Variants in DCDC2 observed in about 807,000 individuals in gnomAD.
DCDC2 encodes doublecortin domain containing 2.
DCDC2 carries 40 observed loss-of-function variants against 50.2 expected under a neutral mutation model. The ratio of observed to expected loss-of-function variants is 0.80; its 90% CI spans 0.62 to 1.04. The LOEUF (loss-of-function observed/expected upper bound fraction) is 1.04, where lower values mean the gene tolerates loss of function less well. DCDC2 is among the 50% of genes least tolerant of loss of function. The probability of loss-of-function intolerance (pLI) is 0.00; values close to 1 mark genes in which losing one functional copy is unlikely to be tolerated. For missense variants in DCDC2, 570 were observed against 581.9 expected, an observed-to-expected ratio of 0.98 and a Z score of 0.21; for synonymous variants, 234 against 210.6, an observed-to-expected ratio of 1.11 and a Z score of -0.96.
chr6:24,193,738 G>C (rs1429946362), intron 8 of DCDC2, among the ~76,000 whole-genome samples: 2 of 152,006 alleles, frequency 1.3e-5, no homozygotes, highest in African/African-American at 4.8e-5. Context: ...AAAGGGAAAG[G>C]TATCTGTATG....
At chr6:24,218,415 T>G (rs552422753) in intron 7 of DCDC2, among the ~76,000 whole-genome samples, 2 of 152,204 alleles carry the variant, frequency 1.3e-5, no homozygotes, top group South Asian at 4.1e-4. Flanking sequence ...CTTGTAGATT[T>G]GTTCTCTATC....
chr6:24,229,505 C>A (rs1392374462), intron 7 of DCDC2, among the ~76,000 whole-genome samples: 1 of 152,148 alleles, frequency 6.6e-6, no homozygotes, highest in African/African-American at 2.4e-5. Flanking sequence ...ATCCACAGAT[C>A]CTGGTTTGAG....
At chr6:24,183,176 T>A (rs1159011264) in intron 8 of DCDC2, among the ~76,000 whole-genome samples, 3 of 152,298 alleles carry the variant, frequency 2.0e-5, no homozygotes, top group East Asian at 3.9e-4. Flanking sequence ...GTATGGAGTT[T>A]CAGTTTTGCA....
intron 8 of DCDC2, among the ~76,000 whole-genome samples, chr6:24,180,733 C>CCCCTT (rs1761052266): frequency 6.6e-6 from 1 of 152,100 alleles, no homozygotes; most frequent in African/African-American, 2.4e-5. Flanking sequence ...AGCCCTGACC[C>CCCCTT]CCCTTTCCAA....
At chr6:24,369,524 C>T in the DCDC2 span, among the ~76,000 whole-genome samples, 3 of 150,892 alleles carry the variant, frequency 2.0e-5, no homozygotes, top group Admixed American at 6.6e-5. Flanking sequence ...GCAAGAGAAT[C>T]GCTTGAACCT....
At chr6:24,223,668 T>C (rs1316628145) in intron 7 of DCDC2, among the ~76,000 whole-genome samples, 1 of 152,238 alleles carries the variant, frequency 6.6e-6, no homozygotes, top group Non-Finnish European at 1.5e-5. Flanking sequence ...ACTTACCTCT[T>C]TGAATTTCTT....
At chr6:24,242,768 C>T (rs562069169) in intron 7 of DCDC2, among the ~76,000 whole-genome samples, 1 of 152,186 alleles carries the variant, frequency 6.6e-6, no homozygotes, top group South Asian at 2.1e-4. Flanking sequence ...TCGAGAACAG[C>T]CTGGCCAACA....
the DCDC2 span, chr6:24,365,619 T>C: frequency 6.6e-6 from 1 of 152,184 alleles, no homozygotes; most frequent in African/African-American, 2.4e-5. Flanking sequence ...TACATTGCCA[T>C]GTAACTAACG....
intron 2 of DCDC2, among the ~76,000 whole-genome samples, chr6:24,336,775 T>C (rs1004557348): frequency 6.6e-6 from 1 of 152,170 alleles, no homozygotes; most frequent in Non-Finnish European, 1.5e-5. Context: ...CCCTGTCTTA[T>C]TTCACTTATG....
At chr6:24,248,965 C>G (rs1409457140) in intron 7 of DCDC2, among the ~76,000 whole-genome samples, 1 of 152,164 alleles carries the variant, frequency 6.6e-6, no homozygotes, top group Non-Finnish European at 1.5e-5. Context: ...ATCCAGTGAG[C>G]AGCTTTAGTT....
At chr6:24,334,071 T>G (rs949628567) in intron 2 of DCDC2, among the ~76,000 whole-genome samples, 8 of 152,322 alleles carry the variant, frequency 5.3e-5, no homozygotes, top group African/African-American at 1.9e-4. Context: ...TAGTTATTGC[T>G]AATTGGAGTA....
chr6:24,341,963 C>G (rs1760163144), intron 2 of DCDC2, among the ~76,000 whole-genome samples: 1 of 152,088 alleles, frequency 6.6e-6, no homozygotes, highest in Non-Finnish European at 1.5e-5. Flanking sequence ...CACACACACA[C>G]ACAAACACAC....
chr6:24,241,205 C>G (rs1034210826), intron 7 of DCDC2, among the ~76,000 whole-genome samples: 2 of 152,156 alleles, frequency 1.3e-5, no homozygotes, highest in African/African-American at 2.4e-5. Flanking sequence ...AAACAATGGC[C>G]TTTGTGTTTT....
chr6:24,190,713 T>C (rs951275420), intron 8 of DCDC2, among the ~76,000 whole-genome samples: 3 of 152,170 alleles, frequency 2.0e-5, no homozygotes, highest in Non-Finnish European at 2.9e-5. Flanking sequence ...TGACAATGCA[T>C]AGATAAATTA....
chr6:24,208,146 A>T (rs1761764626), intron 7 of DCDC2, among the ~76,000 whole-genome samples: 1 of 152,016 alleles, frequency 6.6e-6, no homozygotes, highest in African/African-American at 2.4e-5. Context: ...GGACCAAAGA[A>T]CCTGCAGGTC....
At chr6:24,285,592 A>G (rs1279406997) in intron 6 of DCDC2, among the ~76,000 whole-genome samples, 5 of 152,162 alleles carry the variant, frequency 3.3e-5, no homozygotes, top group Non-Finnish European at 7.4e-5. Flanking sequence ...CAATCATCAG[A>G]TGAATTGATG....
chr6:24,320,184 T>C (rs904466574), intron 2 of DCDC2, among the ~76,000 whole-genome samples: 5 of 152,188 alleles, frequency 3.3e-5, no homozygotes, highest in Non-Finnish European at 7.3e-5. Flanking sequence ...ATAAATGTAA[T>C]GTGGATGATG....
chr6:24,281,265 AC>A (rs755290842), intron 6 of DCDC2, among the ~76,000 whole-genome samples: 6 of 152,150 alleles, frequency 3.9e-5, no homozygotes, highest in Non-Finnish European at 8.8e-5. Context: ...CTTTCCAGGA[AC>A]TTTGTGAGTA....
chr6:24,226,928 A>T lies in DCDC2; in HGVS notation c.923-21826T>A, dbSNP rs936434869. 2.0e-5 allele frequency among the ~76,000 whole-genome samples: 3 copies of T among 152,350 alleles called. No individual in the cohort carries two copies. In the East Asian group the frequency reaches 5.8e-4, roughly 29 times the overall value. ...TTTGAAAATCCTGTGACATCAGTTCACATACTCGGGAGGCAGCCAGGATGT... is the reference window on the plus strand; with the variant it reads ...TTTGAAAATCCTGTGACATCAGTTCTCATACTCGGGAGGCAGCCAGGATGT... On this transcript the variant is annotated intron_variant, in intron 7 of 9. Transcript: ENST00000378454.
Sources: gnomAD v4.1 joint callset for allele counts (sites outside exome capture counted in the v4.1 genomes callset) on GRCh38, gnomAD v4.1.1 for gene constraint, MANE v1.5 for transcripts, NCBI Gene and HGNC (gene_info 2026-07-23, HGNC 2026-07-21) for gene names.